The following SNX29 variants were observed in gnomAD, a reference collection of about 807,000 sequenced individuals.
SNX29 encodes the protein sorting nexin-29.
Under a neutral mutation model 102.1 loss-of-function variants are expected in SNX29, and 78 were observed. The observed-to-expected ratio is 0.76, with a 90% CI of 0.64 to 0.92. The LOEUF (loss-of-function observed/expected upper bound fraction) is 0.92, where lower values mean the gene tolerates loss of function less well. Among genes scored for constraint, SNX29 ranks in the 40% least tolerant of loss-of-function variants. The pLI, the probability that SNX29 is intolerant of heterozygous loss-of-function variation, is 0.00. For missense variants in SNX29, 1,280 were observed against 1,061.7 expected, an observed-to-expected ratio of 1.21 and a Z score of -2.86; for synonymous variants, 580 against 414.5, an observed-to-expected ratio of 1.40 and a Z score of -4.85.
chr16:12,203,435 C>T (rs908957239), intron 14 of SNX29, among the ~76,000 whole-genome samples: 3 of 151,636 alleles, frequency 2.0e-5, no homozygotes, highest in East Asian at 1.9e-4. Flanking sequence ...TTGGAGGTGA[C>T]GTCTCTGAAG....
chr16:12,140,602 TGGA>T (rs2054835873), intron 13 of SNX29, among the ~76,000 whole-genome samples: 1 of 152,138 alleles, frequency 6.6e-6, no homozygotes, highest in Non-Finnish European at 1.5e-5. Context: ...TTGTGACGCT[TGGA>T]TTCTGTCCAT....
intron 14 of SNX29, among the ~76,000 whole-genome samples, chr16:12,212,271 C>T (rs989047402): frequency 2.6e-5 from 4 of 152,070 alleles, no homozygotes; most frequent in Admixed American, 1.3e-4. Context: ...ACATGGGGAG[C>T]CAGGTTAGAG....
intron 18 of SNX29, among the ~76,000 whole-genome samples, chr16:12,408,492 CAGGGTCCCAGAA>C (rs1567533590): frequency 6.6e-6 from 1 of 152,252 alleles, no homozygotes; most frequent in African/African-American, 2.4e-5. Flanking sequence ...TGAGCAATGT[CAGGGTCCCAGAA>C]CCTGCCTCGG....
intron 20 of SNX29, among the ~76,000 whole-genome samples, chr16:12,555,848 C>T (rs973593510): frequency 1.3e-5 from 2 of 152,340 alleles, no homozygotes; most frequent in South Asian, 2.1e-4. Context: ...ACCCCCCTCA[C>T]CACCTCCATC....
intron 16 of SNX29, chr16:12,374,905 G>C (rs1223800591): frequency 6.6e-6 from 1 of 152,134 alleles, no homozygotes; most frequent in Non-Finnish European, 1.5e-5. Context: ...TAGTGATACT[G>C]GCTTTCTGTT....
chr16:12,568,222 C>T (rs1339825785), intron 20 of SNX29, among the ~76,000 whole-genome samples: 1 of 150,954 alleles, frequency 6.6e-6, no homozygotes, highest in East Asian at 2.0e-4. Flanking sequence ...TCTTTCATAG[C>T]CTTAAAATGT....
At chr16:12,534,135 A>C (rs1324309625) in intron 20 of SNX29, among the ~76,000 whole-genome samples, 1 of 152,234 alleles carries the variant, frequency 6.6e-6, no homozygotes, top group Non-Finnish European at 1.5e-5. Context: ...GACAGCTCCA[A>C]CACCAGGCCT....
intron 20 of SNX29, among the ~76,000 whole-genome samples, chr16:12,548,802 C>G (rs75460892): frequency 6.6e-6 from 1 of 152,202 alleles, no homozygotes; most frequent in Non-Finnish European, 1.5e-5. Flanking sequence ...CATAGCTGGG[C>G]TGTTGTTTTC....
At chr16:12,525,005 C>G (rs2076740184) in intron 20 of SNX29, among the ~76,000 whole-genome samples, 164 bp downstream of exon 20, 1 of 152,116 alleles carries the variant, frequency 6.6e-6, no homozygotes, top group Non-Finnish European at 1.5e-5. Context: ...GAGGTTGGGT[C>G]TCAGCGCTTT....
chr16:12,573,323 G>A lies in SNX29; in HGVS notation c.*4694G>A, dbSNP rs1339228874. ...CTTATGGGCCCGATTTGGGTACTCT[G>A]AATTATGTCATGGAGTAGACAGTTA... is the stretch of plus-strand genomic sequence containing the variant. On this transcript the variant is annotated 3_prime_UTR_variant, in exon 21 of 21. Coordinates refer to ENST00000566228, the MANE Select transcript of SNX29 (RefSeq NM_032167.5). 2 of 226,154 alleles carry A rather than the reference G, an allele frequency of 8.8e-6. No individual in the cohort carries two copies. The highest frequency in any genetic ancestry group is 1.8e-5 in the Non-Finnish European group (2 of 113,798). The allele number at this position is 226,154 out of a possible 1,614,324, so 14.0% of individuals were successfully genotyped here.
chr16:12,364,862 G>A (rs1567482815), intron 16 of SNX29, among the ~76,000 whole-genome samples: 2 of 152,156 alleles, frequency 1.3e-5, no homozygotes, highest in African/African-American at 2.4e-5. Flanking sequence ...CATCCATGCT[G>A]TCGGCTCCTT....
chr16:12,382,414 G>C (rs1174183310), intron 16 of SNX29, among the ~76,000 whole-genome samples: 1 of 152,176 alleles, frequency 6.6e-6, no homozygotes, highest in African/African-American at 2.4e-5. Context: ...AGTCCTCACT[G>C]TGCCACTTAG....
chr16:12,201,858 C>T (rs147985901), intron 14 of SNX29, among the ~76,000 whole-genome samples: 13 of 152,172 alleles, frequency 8.5e-5, no homozygotes, highest in South Asian at 2.1e-4. Context: ...AAAACCTCAG[C>T]GCTACACAAT....
At chr16:12,535,027 T>G (rs999744858) in intron 20 of SNX29, among the ~76,000 whole-genome samples, 1 of 152,160 alleles carries the variant, frequency 6.6e-6, no homozygotes, top group Non-Finnish European at 1.5e-5. Flanking sequence ...GCTGGCTCGT[T>G]GGGTCTTATA....
At position 12,541,623 on chromosome 16, in the gene SNX29, G is replaced by A. The variant is rs540987746; in HGVS notation, c.2318+16782G>A. ...TCACACTCTGGGCCACATCTCTGTC[G>A]GGGTCCATCGCATCTTCGTTCAGCC... On this transcript the variant is annotated intron_variant, in intron 20 of 20. Coordinates refer to ENST00000566228, the MANE Select transcript of SNX29 (RefSeq NM_032167.5). Among the ~76,000 whole-genome samples, 94 of 152,200 alleles carry A rather than the reference G, an allele frequency of 6.2e-4. 1 individual carries two copies. Among genetic ancestry groups the A allele is most frequent in the African/African-American group, 2.0e-3 (84 of 41,512 alleles).
At chr16:12,565,834 A>C (rs1262679267) in intron 20 of SNX29, among the ~76,000 whole-genome samples, 1 of 151,178 alleles carries the variant, frequency 6.6e-6, no homozygotes, top group Non-Finnish European at 1.5e-5. Context: ...CACCCTCCAC[A>C]CCTCTGCCTC....
intron 20 of SNX29, among the ~76,000 whole-genome samples, chr16:12,543,830 G>A (rs557599163): frequency 4.4e-4 from 67 of 152,318 alleles, no homozygotes; most frequent in East Asian, 1.7e-3. Flanking sequence ...GGACACCTTC[G>A]TATTTGGAAG....
Position 12,506,275 on chromosome 16 carries a change from T to C in SNX29, c.2179-18427T>C, listed in dbSNP as rs542389878. Among the ~76,000 whole-genome samples, 57 of 152,228 alleles carry C rather than the reference T, an allele frequency of 3.7e-4. 1 individual carries two copies. Among genetic ancestry groups the C allele is most frequent in the Admixed American group, 1.2e-3 (18 of 15,296 alleles). On this transcript the variant is annotated intron_variant, in intron 19 of 20. Transcript: ENST00000566228. ...CAGCGCCTGGCTAGTGTGTCCATTC[T>C]CAAACCAATCACTGTATCCAGGGGG...
intron 19 of SNX29, among the ~76,000 whole-genome samples, chr16:12,480,452 C>G (rs1456676258): frequency 6.6e-6 from 1 of 152,206 alleles, no homozygotes; most frequent in African/African-American, 2.4e-5. Context: ...CTTAGATTCC[C>G]TGTGATCACA....
Sources: gnomAD v4.1 joint callset for allele counts (sites outside exome capture counted in the v4.1 genomes callset) on GRCh38, gnomAD v4.1.1 for gene constraint, MANE v1.5 for transcripts, NCBI Gene and HGNC (gene_info 2026-07-23, HGNC 2026-07-21) for gene names.